The following NCAM1 variants were observed in gnomAD, a reference collection of about 807,000 sequenced individuals.
NCAM1 encodes the protein antigen recognized by monoclonal antibody 5.1H11.
In NCAM1, 14 loss-of-function variants were observed where a neutral mutation model predicts 109.8. The ratio of observed to expected loss-of-function variants is 0.13; its 90% CI spans 0.08 to 0.20. NCAM1 has a LOEUF of 0.20. NCAM1 is among the 10% of genes least tolerant of loss of function. The pLI is 1.00. For missense variants in NCAM1, 774 were observed against 1,109.9 expected (o/e 0.70, Z 4.30); for synonymous variants, 418 against 442.9 (o/e 0.94, Z 0.70).
chr11:113,014,747 G>T (rs1463436756), intron 1 of NCAM1, among the ~76,000 whole-genome samples: 2 of 152,214 alleles, frequency 1.3e-5, no homozygotes, highest in Admixed American at 6.5e-5. Flanking sequence ...AGGTCGTCTT[G>T]GTTGTAAGGA....
At chr11:113,037,830 C>A (rs1005333914) in intron 1 of NCAM1, among the ~76,000 whole-genome samples, 32 of 152,222 alleles carry the variant, frequency 2.1e-4, no homozygotes, top group Non-Finnish European at 4.3e-4. Flanking sequence ...CTCCGTAGTC[C>A]TTAGGCTTCT....
intron 1 of NCAM1, among the ~76,000 whole-genome samples, chr11:113,190,042 C>T (rs797042123): frequency 6.6e-5 from 10 of 152,114 alleles, no homozygotes; most frequent in African/African-American, 2.4e-4. Context: ...TGTGTTTGGT[C>T]GTGTTCCCCC....
intron 1 of NCAM1, among the ~76,000 whole-genome samples, chr11:112,983,094 A>G (rs1555069020): frequency 1.3e-5 from 2 of 151,968 alleles, no homozygotes; most frequent in African/African-American, 4.8e-5. Flanking sequence ...ACTGTTTTGT[A>G]TATTTTCAAA....
intron 16 of NCAM1, among the ~76,000 whole-genome samples, chr11:113,258,504 G>A (rs936130604): frequency 6.6e-6 from 1 of 152,166 alleles, no homozygotes; most frequent in Non-Finnish European, 1.5e-5. Flanking sequence ...GATCATGAGA[G>A]GAGGAGAAGA....
At chr11:113,085,196 C>T (rs781962876) in intron 1 of NCAM1, among the ~76,000 whole-genome samples, 1 of 152,224 alleles carries the variant, frequency 6.6e-6, no homozygotes, top group Non-Finnish European at 1.5e-5. Context: ...TTGACTGATA[C>T]AGATGTTGGC....
At position 113,173,600 on chromosome 11, in the gene NCAM1, A is replaced by T. The variant is rs1473054044; in HGVS notation, c.53-28779A>T. ...TATTAGCATGTTACCTGATATATAT[A>T]TATATATATATATATATATATATAT... is the stretch of plus-strand genomic sequence containing the variant. On this transcript the variant is annotated intron_variant, in intron 1 of 19. Transcript: ENST00000316851. 1.2e-3 allele frequency among the ~76,000 whole-genome samples: 16 copies of T among 12,832 alleles called. 2 individuals are homozygous for T. Among genetic ancestry groups the T allele is most frequent in the East Asian group, 9.7e-3 (8 of 824 alleles). The allele number at this position is 12,832 out of a possible 152,430, so 8.4% of individuals were successfully genotyped here.
At chr11:113,219,725 T>A (rs1944630919) in intron 8 of NCAM1, among the ~76,000 whole-genome samples, 1 of 152,222 alleles carries the variant, frequency 6.6e-6, no homozygotes, top group African/African-American at 2.4e-5. Context: ...GACACAAGGA[T>A]AATCAGATTT....
At position 113,080,706 on chromosome 11, in the gene NCAM1, A is replaced by C. The variant is rs147758061; in HGVS notation, c.52+119042A>C. Among the ~76,000 whole-genome samples, 373 of 152,358 alleles carry C rather than the reference A, an allele frequency of 2.4e-3. 1 individual carries two copies. The highest frequency in any genetic ancestry group is 8.6e-3 in the African/African-American group (357 of 41,588). The stretch of plus-strand genomic sequence containing the variant: ...AGAAAAGGGACATGGCTGTGACTAC[A>C]TTGCCAAAACATTGGATCGTACACA... On this transcript the variant is annotated intron_variant, in intron 1 of 19. Coordinates refer to ENST00000316851, the MANE Select transcript of NCAM1 (RefSeq NM_181351.5).
chr11:113,097,285 A>G (rs1939645157), intron 1 of NCAM1, among the ~76,000 whole-genome samples: 6 of 152,186 alleles, frequency 3.9e-5, no homozygotes, highest in Admixed American at 3.9e-4. Context: ...TGGATTCAGC[A>G]TAGTTTTATT....
At chr11:113,169,173 A>G (rs1283212632) in intron 1 of NCAM1, among the ~76,000 whole-genome samples, 3 of 152,064 alleles carry the variant, frequency 2.0e-5, no homozygotes, top group African/African-American at 7.2e-5. Context: ...GCTGATAGCA[A>G]CCATATCCCA....
In NCAM1 at chr11:113,255,908, G is replaced by A. The variant is rs1945820096; in HGVS notation, c.1860G>A (p.Gln620=). The change falls in exon 16 of 20, where the codon CAG becomes CAA. Residue 620 remains glutamine, a synonymous_variant. Coordinates refer to ENST00000316851, the MANE Select transcript of NCAM1 (RefSeq NM_181351.5). ...CCAGTGCACCTAAGCTCGAAGGGCA[G>A]ATGGGAGAGGATGGAAACTCTATTA... ...GEPSAPKLEG[Q]MGEDGNSIKV... is the part of the protein sequence containing the mutation. 2 of 1,612,084 alleles carry A rather than the reference G, an allele frequency of 1.2e-6. No homozygotes were observed. The highest frequency in any genetic ancestry group is 1.3e-5 in the African/African-American group (1 of 74,782).
chr11:113,175,514 G>A (rs537292163), intron 1 of NCAM1, among the ~76,000 whole-genome samples: 1 of 152,314 alleles, frequency 6.6e-6, no homozygotes, highest in Non-Finnish European at 1.5e-5. Context: ...TCCTCAATAA[G>A]AGGTGTGGTA....
At chr11:113,054,722 G>T (rs537651203) in intron 1 of NCAM1, among the ~76,000 whole-genome samples, 1 of 152,116 alleles carries the variant, frequency 6.6e-6, no homozygotes, top group Non-Finnish European at 1.5e-5. Flanking sequence ...GCATGTTTTT[G>T]ATGGAAAGTC....
intron 1 of NCAM1, among the ~76,000 whole-genome samples, chr11:113,105,383 TTC>T (rs1940109289): frequency 6.6e-6 from 1 of 152,224 alleles, no homozygotes; most frequent in Admixed American, 6.5e-5. Context: ...CATAACATAT[TTC>T]TTTCTTTGTC....
intron 1 of NCAM1, among the ~76,000 whole-genome samples, chr11:113,120,083 T>C (rs1400402435): frequency 3.9e-5 from 6 of 152,234 alleles, no homozygotes; most frequent in African/African-American, 1.4e-4. Flanking sequence ...GTTCTCTCAG[T>C]TGTCTAAGAA....
chr11:113,034,163 TG>T (rs1555078752), intron 1 of NCAM1, among the ~76,000 whole-genome samples: 1 of 152,222 alleles, frequency 6.6e-6, no homozygotes, highest in Non-Finnish European at 1.5e-5. Flanking sequence ...TCACATGTCC[TG>T]GGGGTCAGTT....
intron 14 of NCAM1, among the ~76,000 whole-genome samples, chr11:113,239,953 G>A (rs1945277845): frequency 6.6e-6 from 1 of 152,182 alleles, no homozygotes; most frequent in African/African-American, 2.4e-5. Context: ...TTTGTTTTGT[G>A]ACTGCTGATG....
rs113563335 is a variant in NCAM1, at chr11:113,035,029, C to T, written c.52+73365C>T. Reference sequence around the variant, plus strand: ...AGGCAATATAATAATACAACATTTACCTGGGGCGGTTAGACTTTTAACACC... The same window carrying T: ...AGGCAATATAATAATACAACATTTATCTGGGGCGGTTAGACTTTTAACACC... On this transcript the variant is annotated intron_variant, in intron 1 of 19. Transcript: ENST00000316851. Among the ~76,000 whole-genome samples the T allele has an allele frequency of 3.1e-3, 479 of 152,240 alleles. 1 individual carries two copies. The highest frequency in any genetic ancestry group is 5.6e-3 in the Non-Finnish European group (380 of 68,000).
rs900384357 is a variant in NCAM1 at position 113,277,381 on chromosome 11, A to G, written c.*1994A>G. The G allele has an allele frequency of 1.0e-5, 4 of 399,066 alleles. No individual in the cohort carries two copies. Among genetic ancestry groups the G allele is most frequent in the African/African-American group, 4.1e-5 (2 of 48,648 alleles). 24.7% of individuals were successfully genotyped at this position (399,066 alleles called of 1,614,324 possible). A position where few individuals can be genotyped will look rare whatever the true frequency, so the allele number is the denominator to read the frequency against. ...GGATGGAAATGGAGGATCCCAGAAC[A>G]CACAGCCCTGGCCCCTTTGATTCTA... On this transcript the variant is annotated 3_prime_UTR_variant, in exon 20 of 20. Transcript: ENST00000316851.
Sources: gnomAD v4.1 joint callset for allele counts (sites outside exome capture counted in the v4.1 genomes callset) on GRCh38, gnomAD v4.1.1 for gene constraint, MANE v1.5 for transcripts, NCBI Gene and HGNC (gene_info 2026-07-23, HGNC 2026-07-21) for gene names.